The following SLC24A3 variants were observed in gnomAD, a reference collection of about 807,000 sequenced individuals.
SLC24A3 encodes solute carrier family 24 member 3.
A neutral mutation model predicts 75.8 loss-of-function variants in SLC24A3; 28 were observed. The observed-to-expected ratio is 0.37, with a 90% CI of 0.27 to 0.51. SLC24A3 has a LOEUF of 0.51. Ranked by LOEUF, SLC24A3 falls within the 20% of genes least tolerant of loss-of-function variation. The probability of loss-of-function intolerance (pLI) is 0.94; values close to 1 mark genes in which losing one functional copy is unlikely to be tolerated. For synonymous variants in SLC24A3, 372 were observed against 334.1 expected (o/e 1.11, Z -1.24); for missense variants, 663 against 847.8 (o/e 0.78, Z 2.71).
At chr20:19,269,747 C>T (rs1204202081) in intron 1 of SLC24A3, among the ~76,000 whole-genome samples, 2 of 146,548 alleles carry the variant, frequency 1.4e-5, no homozygotes, top group African/African-American at 5.1e-5. Context: ...CCCCTGTTGC[C>T]TGAGAAACGT....
At chr20:19,651,212 A>T (rs560406570) in intron 6 of SLC24A3, among the ~76,000 whole-genome samples, 80 of 151,972 alleles carry the variant, frequency 5.3e-4, no homozygotes, top group African/African-American at 1.9e-3. Flanking sequence ...ATTTTTTGAG[A>T]CAACTAAAAT....
chr20:19,551,975 G>A (rs2030703566), intron 3 of SLC24A3, among the ~76,000 whole-genome samples: 1 of 152,180 alleles, frequency 6.6e-6, no homozygotes, highest in Non-Finnish European at 1.5e-5. Context: ...CTGACTGTAT[G>A]TGGGGCTACT....
At chr20:19,326,532 A>G (rs950883881) in intron 2 of SLC24A3, among the ~76,000 whole-genome samples, 1 of 151,768 alleles carries the variant, frequency 6.6e-6, no homozygotes, top group Non-Finnish European at 1.5e-5. Context: ...ATCAGGGTAA[A>G]AAGGAGAATT....
intron 9 of SLC24A3, among the ~76,000 whole-genome samples, chr20:19,677,706 T>TA (rs1276396598): frequency 7.4e-6 from 1 of 134,592 alleles, no homozygotes; most frequent in East Asian, 2.0e-4. Context: ...TTTTTTTTTT[T>TA]AATTTTCATT....
intron 2 of SLC24A3, among the ~76,000 whole-genome samples, chr20:19,319,153 T>G (rs1462318518): frequency 6.6e-6 from 1 of 152,156 alleles, no homozygotes; most frequent in Non-Finnish European, 1.5e-5. Context: ...CTGTTTCCTT[T>G]AGGGAAGTAG....
chr20:19,320,398 G>C (rs760822321), intron 2 of SLC24A3, among the ~76,000 whole-genome samples: 1 of 152,054 alleles, frequency 6.6e-6, no homozygotes, highest in Admixed American at 6.5e-5. Flanking sequence ...TCTTGGGTTT[G>C]GGCATCTGCT....
At chr20:19,538,937 A>G (rs1200175582) in intron 3 of SLC24A3, among the ~76,000 whole-genome samples, 1 of 152,258 alleles carries the variant, frequency 6.6e-6, no homozygotes, top group Non-Finnish European at 1.5e-5. Context: ...ATAATCTACC[A>G]TGATCCACAA....
chr20:19,216,648 CACAT>C (rs1600378487), intron 1 of SLC24A3, among the ~76,000 whole-genome samples: 1 of 151,640 alleles, frequency 6.6e-6, no homozygotes, highest in Non-Finnish European at 1.5e-5. Context: ...AAATTACACA[CACAT>C]GCATGTACAT....
chr20:19,578,594 T>A (rs1356227639), intron 3 of SLC24A3, among the ~76,000 whole-genome samples: 1 of 151,900 alleles, frequency 6.6e-6, no homozygotes, highest in Non-Finnish European at 1.5e-5. Context: ...CTATACTGGG[T>A]CATGTGTGTG....
chr20:19,525,569 T>C (rs777081001), intron 3 of SLC24A3, among the ~76,000 whole-genome samples: 35 of 152,114 alleles, frequency 2.3e-4, no homozygotes, highest in Non-Finnish European at 4.0e-4. Context: ...GGGGCATCTA[T>C]CCACCAGCTC....
chr20:19,225,484 T>A (rs1198311396), intron 1 of SLC24A3, among the ~76,000 whole-genome samples: 2 of 152,178 alleles, frequency 1.3e-5, no homozygotes, highest in African/African-American at 4.8e-5. Flanking sequence ...TAAATTGATA[T>A]CATACTACAT....
intron 6 of SLC24A3, among the ~76,000 whole-genome samples, chr20:19,588,665 TA>T (rs2031332334): frequency 6.6e-6 from 1 of 152,200 alleles, no homozygotes; most frequent in Non-Finnish European, 1.5e-5. Context: ...TTCCTTTATT[TA>T]AAAACGAAGA....
chr20:19,581,722 G>C (rs1191650597), intron 4 of SLC24A3, among the ~76,000 whole-genome samples: 1 of 152,168 alleles, frequency 6.6e-6, no homozygotes, highest in Non-Finnish European at 1.5e-5. Context: ...CCAGAGCTTA[G>C]AGAAGCTGAG....
At chr20:19,322,544 C>A (rs1231540283) in intron 2 of SLC24A3, among the ~76,000 whole-genome samples, 1 of 152,162 alleles carries the variant, frequency 6.6e-6, no homozygotes, top group Admixed American at 6.5e-5. Context: ...TCCAAACTCA[C>A]CTTTTTCTTT....
intron 2 of SLC24A3, among the ~76,000 whole-genome samples, chr20:19,437,348 G>A (rs527953952): frequency 1.3e-5 from 2 of 152,170 alleles, no homozygotes; most frequent in Non-Finnish European, 2.9e-5. Context: ...CCTGGCATTT[G>A]CCCTGCTGTC....
At chr20:19,642,672 C>A (rs764677331) in intron 6 of SLC24A3, among the ~76,000 whole-genome samples, 1 of 152,222 alleles carries the variant, frequency 6.6e-6, no homozygotes, top group Non-Finnish European at 1.5e-5. Flanking sequence ...GTGCTAACTA[C>A]ACTCTGCTGA....
chr20:19,262,310 C>T (rs1317344092), intron 1 of SLC24A3, among the ~76,000 whole-genome samples: 2 of 147,192 alleles, frequency 1.4e-5, no homozygotes, highest in Non-Finnish European at 3.0e-5. Flanking sequence ...GAGGCTGAGG[C>T]AGGAGAATGG....
At chr20:19,238,538 A>G (rs1982234513) in intron 1 of SLC24A3, among the ~76,000 whole-genome samples, 1 of 152,206 alleles carries the variant, frequency 6.6e-6, no homozygotes, top group South Asian at 2.1e-4. Context: ...CCTAATAAAC[A>G]GTTTTCCAAC....
rs3790281 is a variant in SLC24A3, at chr20:19,658,885, G to T, written c.687+4749G>T. 0.012 allele frequency among the ~76,000 whole-genome samples: 1,775 copies of T among 152,204 alleles called. 63 individuals are homozygous for T. In the East Asian group the frequency reaches 0.14, roughly 12 times the overall value. Reference sequence around the variant, plus strand: ...GAGCACTTCAACTCTGGGTATCTCCGGCCTCCCAGTCCTGTCTTTTCTCCA... The same window carrying T: ...GAGCACTTCAACTCTGGGTATCTCCTGCCTCCCAGTCCTGTCTTTTCTCCA... On this transcript the variant is annotated intron_variant, in intron 7 of 16. Transcript: ENST00000328041.
Sources: gnomAD v4.1 joint callset for allele counts (sites outside exome capture counted in the v4.1 genomes callset) on GRCh38, gnomAD v4.1.1 for gene constraint, MANE v1.5 for transcripts, NCBI Gene and HGNC (gene_info 2026-07-23, HGNC 2026-07-21) for gene names.